SYN3: variants seen among roughly 807,000 people sequenced by gnomAD.
SYN3 encodes synapsin III, also known as synapsin-3.
In SYN3, 35 loss-of-function variants were observed where a neutral mutation model predicts 65.8. The ratio of observed to expected loss-of-function variants is 0.53; its 90% CI spans 0.41 to 0.70. The LOEUF (loss-of-function observed/expected upper bound fraction) is 0.70, where lower values mean the gene tolerates loss of function less well. Among genes scored for constraint, SYN3 ranks in the 30% least tolerant of loss-of-function variants. The pLI, the probability that SYN3 is intolerant of heterozygous loss-of-function variation, is 0.00. For synonymous variants in SYN3, 270 were observed against 292.9 expected (o/e 0.92, Z 0.80); for missense variants, 680 against 749.0 (o/e 0.91, Z 1.08).
intron 6 of SYN3, among the ~76,000 whole-genome samples, chr22:32,724,292 A>G (rs1247888161): frequency 1.3e-5 from 2 of 152,162 alleles, no homozygotes; most frequent in East Asian, 3.9e-4. Context: ...GGGTCTTGCT[A>G]TGTTGCCCAG....
At chr22:32,826,465 A>G (rs2047416420) in intron 6 of SYN3, among the ~76,000 whole-genome samples, 1 of 152,144 alleles carries the variant, frequency 6.6e-6, no homozygotes. Context: ...AAATTTAAAA[A>G]GGTAATAATG....
chr22:33,010,271 C>T (rs2053317587), intron 1 of SYN3, among the ~76,000 whole-genome samples: 1 of 151,788 alleles, frequency 6.6e-6, no homozygotes, highest in Non-Finnish European at 1.5e-5. Context: ...AGATCACAAT[C>T]ATACCATCCT....
chr22:32,820,242 C>A (rs950054821), intron 6 of SYN3, among the ~76,000 whole-genome samples: 1 of 148,890 alleles, frequency 6.7e-6, no homozygotes, highest in Non-Finnish European at 1.5e-5. Context: ...CCTTTCTCCC[C>A]TGTGTGTGTG....
At chr22:32,877,536 A>G (rs1021211709) in intron 4 of SYN3, among the ~76,000 whole-genome samples, 23 of 152,012 alleles carry the variant, frequency 1.5e-4, no homozygotes, top group Admixed American at 1.5e-3. Context: ...TCTGGCCTCT[A>G]CCCACTAGAC....
chr22:32,840,821 C>T (rs1042273162), intron 6 of SYN3, among the ~76,000 whole-genome samples: 4 of 152,188 alleles, frequency 2.6e-5, no homozygotes, highest in South Asian at 2.1e-4. Flanking sequence ...CCTGGCTTTC[C>T]GTCCTTGCTT....
chr22:32,552,854 T>C (rs1445716992), intron 7 of SYN3, among the ~76,000 whole-genome samples: 6 of 152,238 alleles, frequency 3.9e-5, no homozygotes. Context: ...TTAGTTAGGC[T>C]TCTGTCTTAC....
chr22:32,942,439 C>A (rs1208707842), intron 3 of SYN3, among the ~76,000 whole-genome samples: 6 of 152,304 alleles, frequency 3.9e-5, no homozygotes, highest in Admixed American at 3.9e-4. Flanking sequence ...AACACAACCC[C>A]ATTTGTACGT....
rs141770370 is a variant in SYN3, at chr22:32,814,300, GGA to G, written c.711+50613_711+50614del. 1.7e-3 allele frequency among the ~76,000 whole-genome samples: 136 copies of G among 81,828 alleles called. 2 individuals carry two copies. Among genetic ancestry groups the G allele is most frequent in the South Asian group, 6.3e-3 (18 of 2,874 alleles). 53.7% of individuals were successfully genotyped at this position (81,828 alleles called of 152,430 possible). On this transcript the variant is annotated intron_variant, in intron 6 of 13. Transcript: ENST00000358763. ...GAGAGGGAGAGAGGGAAGGAAGGAA[GGA>G]GAGAGAGAGAGAGACAGAAAGAAAG...
intron 6 of SYN3, among the ~76,000 whole-genome samples, chr22:32,632,897 A>G (rs1397226004): frequency 6.6e-6 from 1 of 152,242 alleles, no homozygotes; most frequent in Non-Finnish European, 1.5e-5. Flanking sequence ...TAATTCCATT[A>G]GTTCATCGGG....
intron 4 of SYN3, among the ~76,000 whole-genome samples, chr22:32,912,004 G>A (rs888297433): frequency 2.0e-5 from 3 of 152,200 alleles, no homozygotes; most frequent in Non-Finnish European, 4.4e-5. Flanking sequence ...GAACCTCTCT[G>A]AGCCTTGATC....
rs547816615 is a variant in SYN3, at chr22:32,944,746, G to C, written c.370-13265C>G. ...GGGCATTCAATTAGGAAAAGAGGAA[G>C]TCAAATTGTCCCTGTTTGCAGATGA... On this transcript the variant is annotated intron_variant, in intron 3 of 13. Transcript: ENST00000358763. 2.7e-3 allele frequency among the ~76,000 whole-genome samples: 408 copies of C among 152,254 alleles called. 1 individual carries two copies. Among genetic ancestry groups the C allele is most frequent in the Admixed American group, 4.3e-3 (66 of 15,298 alleles).
At chr22:32,565,401 A>G (rs2058658948) in intron 7 of SYN3, among the ~76,000 whole-genome samples, 1 of 152,184 alleles carries the variant, frequency 6.6e-6, no homozygotes, top group Admixed American at 6.5e-5. Flanking sequence ...ATAGGTGAAC[A>G]TAATTTTAAT....
At chr22:32,572,774 G>C (rs1037112626) in intron 7 of SYN3, among the ~76,000 whole-genome samples, 1 of 152,078 alleles carries the variant, frequency 6.6e-6, no homozygotes, top group African/African-American at 2.4e-5. Flanking sequence ...CAATACACCA[G>C]CCCCAGGACT....
chr22:32,550,761 T>A (rs935744545), intron 7 of SYN3, among the ~76,000 whole-genome samples: 2 of 152,032 alleles, frequency 1.3e-5, no homozygotes, highest in African/African-American at 4.8e-5. Context: ...AAACCCATTA[T>A]GTTATTGAAA....
At chr22:32,889,432 A>C (rs2049381822) in intron 4 of SYN3, among the ~76,000 whole-genome samples, 1 of 149,580 alleles carries the variant, frequency 6.7e-6, no homozygotes, top group Non-Finnish European at 1.5e-5. Flanking sequence ...AAAAAAAAAC[A>C]AAAAACCTTT....
At chr22:32,624,754 A>G (rs1235419412) in intron 6 of SYN3, among the ~76,000 whole-genome samples, 4 of 152,228 alleles carry the variant, frequency 2.6e-5, no homozygotes, top group African/African-American at 9.6e-5. Flanking sequence ...CCCTGCCAAC[A>G]GGAATTCTCT....
At chr22:32,575,643 G>T (rs2058840342) in intron 7 of SYN3, among the ~76,000 whole-genome samples, 1 of 152,120 alleles carries the variant, frequency 6.6e-6, no homozygotes, top group Non-Finnish European at 1.5e-5. Context: ...GCTCTCTGCG[G>T]TCTCATTAAA....
At chr22:32,795,912 C>T (rs2046417512) in intron 6 of SYN3, among the ~76,000 whole-genome samples, 2 of 152,130 alleles carry the variant, frequency 1.3e-5, no homozygotes, top group Non-Finnish European at 2.9e-5. Context: ...GCTCATGTGC[C>T]TTGCAGAAAC....
chr22:32,772,809 G>A (rs1388237770), intron 6 of SYN3, among the ~76,000 whole-genome samples: 1 of 46,062 alleles, frequency 2.2e-5, no homozygotes, highest in African/African-American at 9.6e-5. Context: ...TCTCTCCTCA[G>A]GCCACTGAAG....
Sources: gnomAD v4.1 joint callset for allele counts (sites outside exome capture counted in the v4.1 genomes callset) on GRCh38, gnomAD v4.1.1 for gene constraint, MANE v1.5 for transcripts, NCBI Gene and HGNC (gene_info 2026-07-23, HGNC 2026-07-21) for gene names.